The following NKAIN3 variants were observed in gnomAD, a reference collection of about 807,000 sequenced individuals.
NKAIN3 encodes sodium/potassium-transporting ATPase subunit beta-1-interacting protein 3.
Under a neutral mutation model 30.2 loss-of-function variants are expected in NKAIN3, and 25 were observed. That is an observed-to-expected ratio of 0.83 (90% CI 0.60 to 1.16). NKAIN3 has a LOEUF of 1.16. NKAIN3 is among the 50% of genes most tolerant of loss of function. NKAIN3 has a pLI of 0.00. For synonymous variants in NKAIN3, 91 were observed against 89.6 expected, an observed-to-expected ratio of 1.02 and a Z score of -0.09; for missense variants, 225 against 254.1, an observed-to-expected ratio of 0.89 and a Z score of 0.78.
chr8:62,811,454 C>G (rs1237930508), intron 4 of NKAIN3, among the ~76,000 whole-genome samples: 1 of 152,054 alleles, frequency 6.6e-6, no homozygotes, highest in African/African-American at 2.4e-5. Flanking sequence ...AGACTGTTTT[C>G]CAGAGTAGTT....
At chr8:62,832,796 C>T (rs1186638757) in intron 4 of NKAIN3, among the ~76,000 whole-genome samples, 2 of 151,940 alleles carry the variant, frequency 1.3e-5, no homozygotes, top group Admixed American at 6.6e-5. Context: ...AGGCAGATAA[C>T]TGGCAAAGAT....
intron 4 of NKAIN3, among the ~76,000 whole-genome samples, chr8:62,911,821 G>A (rs560646423): frequency 6.6e-6 from 1 of 152,236 alleles, no homozygotes; most frequent in South Asian, 2.1e-4. Context: ...ATCAAAAGGT[G>A]TACACAGGAT....
intron 1 of NKAIN3, among the ~76,000 whole-genome samples, chr8:62,452,477 AAAATAAAT>A (rs571761735): frequency 2.6e-5 from 4 of 152,032 alleles, no homozygotes; most frequent in African/African-American, 4.8e-5. Context: ...CTCTGTCTCA[AAAATAAAT>A]AAATAAATAA....
chr8:62,959,886 T>C (rs965333472), intron 6 of NKAIN3, among the ~76,000 whole-genome samples: 1 of 152,216 alleles, frequency 6.6e-6, no homozygotes, highest in African/African-American at 2.4e-5. Flanking sequence ...ACCTTCTTAG[T>C]TGTCCCGAAG....
intron 3 of NKAIN3, among the ~76,000 whole-genome samples, chr8:62,594,018 C>T (rs554093712): frequency 6.6e-6 from 1 of 152,052 alleles, no homozygotes; most frequent in South Asian, 2.1e-4. Context: ...ACTACTATTA[C>T]CTTCTTGTTT....
chr8:62,327,796 T>A (rs763190020), intron 1 of NKAIN3, among the ~76,000 whole-genome samples: 3 of 152,124 alleles, frequency 2.0e-5, no homozygotes, highest in Non-Finnish European at 4.4e-5. Context: ...ATATGAATTT[T>A]AATTTCTATT....
intron 3 of NKAIN3, among the ~76,000 whole-genome samples, chr8:62,732,246 T>C (rs569410837): frequency 6.6e-6 from 1 of 152,240 alleles, no homozygotes; most frequent in African/African-American, 2.4e-5. Flanking sequence ...TTGTATCTAG[T>C]TTTCAAATTG....
intron 4 of NKAIN3, among the ~76,000 whole-genome samples, chr8:62,814,679 C>A (rs186602435): frequency 1.3e-5 from 2 of 152,118 alleles, no homozygotes; most frequent in African/African-American, 2.4e-5. Context: ...TTCTTTGAAA[C>A]CAACGAGAAC....
intron 4 of NKAIN3, among the ~76,000 whole-genome samples, chr8:62,792,252 T>C (rs1817720695): frequency 6.6e-6 from 1 of 152,106 alleles, no homozygotes; most frequent in African/African-American, 2.4e-5. Context: ...TACCTCCCCC[T>C]TTTAAAGCTA....
intron 5 of NKAIN3, among the ~76,000 whole-genome samples, chr8:62,941,696 T>C (rs1393152800): frequency 6.6e-6 from 1 of 152,148 alleles, no homozygotes. Flanking sequence ...GAAAAAGCAT[T>C]TGGCAAAATC....
chr8:62,500,480 A>AGAAG (rs1382460743), intron 1 of NKAIN3, among the ~76,000 whole-genome samples: 2,778 of 139,422 alleles, frequency 0.02, 45 homozygotes, highest in African/African-American at 0.036. Context: ...AAAGAAAGAA[A>AGAAG]GAAAGAAGAA....
intron 1 of NKAIN3, among the ~76,000 whole-genome samples, chr8:62,369,392 G>A (rs1816836339): frequency 6.6e-6 from 1 of 152,060 alleles, no homozygotes; most frequent in Non-Finnish European, 1.5e-5. Flanking sequence ...GGGTTAAAAT[G>A]TTTGTGAGTA....
intron 4 of NKAIN3, among the ~76,000 whole-genome samples, chr8:62,829,893 T>A (rs1819142416): frequency 6.6e-6 from 1 of 152,084 alleles, no homozygotes; most frequent in Non-Finnish European, 1.5e-5. Flanking sequence ...TTCTTTTCAC[T>A]TTCATCCCAA....
At chr8:62,403,391 T>C (rs1171991342) in intron 1 of NKAIN3, among the ~76,000 whole-genome samples, 1 of 152,202 alleles carries the variant, frequency 6.6e-6, no homozygotes, top group Admixed American at 6.5e-5. Context: ...CTCCAGGGCA[T>C]GTCGGAGACC....
At chr8:62,484,223 T>C (rs904906681) in intron 1 of NKAIN3, among the ~76,000 whole-genome samples, 1 of 152,204 alleles carries the variant, frequency 6.6e-6, no homozygotes, top group East Asian at 1.9e-4. Flanking sequence ...CTCGGGATGC[T>C]CTTAGCAGAC....
At chr8:62,749,096 T>C (rs1030551103) in intron 4 of NKAIN3, among the ~76,000 whole-genome samples, 41 of 152,166 alleles carry the variant, frequency 2.7e-4, no homozygotes, top group African/African-American at 9.4e-4. Flanking sequence ...ATGAAAATGT[T>C]TTTCTAAAAT....
chr8:62,724,377 T>TC (rs1253895786), intron 3 of NKAIN3, among the ~76,000 whole-genome samples: 2 of 152,058 alleles, frequency 1.3e-5, no homozygotes, highest in Non-Finnish European at 2.9e-5. Flanking sequence ...TATCTTTGCT[T>TC]TGTGTTATCA....
intron 3 of NKAIN3, among the ~76,000 whole-genome samples, chr8:62,697,255 C>G (rs1814186915): frequency 1.3e-5 from 2 of 152,184 alleles, no homozygotes; most frequent in South Asian, 4.1e-4. Context: ...CACTACCTCC[C>G]TAGCCTCATC....
At chr8:62,258,913 A>G (rs975830089) in intron 1 of NKAIN3, among the ~76,000 whole-genome samples, 7 of 152,158 alleles carry the variant, frequency 4.6e-5, no homozygotes, top group African/African-American at 7.2e-5. Flanking sequence ...TGAAGAATCC[A>G]GGAGACAAGC....
Sources: allele counts gnomAD v4.1 joint callset (sites outside exome capture counted in the v4.1 genomes callset), GRCh38; gene constraint gnomAD v4.1.1; transcripts MANE v1.5; gene names NCBI Gene and HGNC (gene_info 2026-07-23, HGNC 2026-07-21).